Variants in SETBP1 observed in about 807,000 individuals in gnomAD.
The protein encoded by SETBP1 is SET-binding protein.
In SETBP1, 9 loss-of-function variants were observed where a neutral mutation model predicts 101.0. The observed-to-expected ratio is 0.09, with a 90% CI of 0.05 to 0.16. The LOEUF is 0.16. Ranked by LOEUF, SETBP1 falls within the 10% of genes least tolerant of loss-of-function variation. The probability of loss-of-function intolerance (pLI) is 1.00; values close to 1 mark genes in which losing one functional copy is unlikely to be tolerated. For missense variants in SETBP1, 1,858 were observed against 2,033.8 expected (o/e 0.91, Z 1.66); for synonymous variants, 818 against 788.5 (o/e 1.04, Z -0.63).
chr18:44,723,290 C>G (rs1182384282), intron 2 of SETBP1, among the ~76,000 whole-genome samples: 2 of 152,170 alleles, frequency 1.3e-5, no homozygotes, highest in Admixed American at 1.3e-4. Flanking sequence ...CAGAAGTCCT[C>G]TTTTTATACT....
At chr18:44,756,575 A>G (rs2070501577) in intron 2 of SETBP1, among the ~76,000 whole-genome samples, 2 of 152,098 alleles carry the variant, frequency 1.3e-5, no homozygotes. Context: ...TGCAATGACC[A>G]CCATGAGGAG....
At chr18:44,773,733 C>T (rs150215500) in intron 2 of SETBP1, among the ~76,000 whole-genome samples, 26 of 151,038 alleles carry the variant, frequency 1.7e-4, no homozygotes, top group African/African-American at 6.1e-4. Flanking sequence ...TCAGGCTAGC[C>T]GAAGAGAATG....
Position 44,952,431 on chromosome 18 carries a change from A to G in SETBP1, c.3091A>G (p.Lys1031Glu). Residue 1031 changes from lysine (K) to glutamate (E), a missense_variant, in exon 4 of 6, where the codon AAG becomes GAG. Lys to Glu is a moderately conservative substitution (Grantham distance 56). Transcript: ENST00000649279. The stretch of plus-strand genomic sequence containing the variant: ...TGCAAAAACCAATGACACCATGACA[A>G]AGGTGCCTTTTTTACAAGGGTTCAG... ...RPAKTNDTMT[K>E]VPFLQGFSYP... 1 of 1,614,114 alleles carries G rather than the reference A, an allele frequency of 6.2e-7. No homozygotes were observed. The highest frequency in any genetic ancestry group is 8.5e-7 in the Non-Finnish European group (1 of 1,180,024).
chr18:44,754,607 A>G (rs1387231910), intron 2 of SETBP1, among the ~76,000 whole-genome samples: 1 of 152,202 alleles, frequency 6.6e-6, no homozygotes, highest in African/African-American at 2.4e-5. Context: ...CTCTTAAAAT[A>G]AGTACCACAT....
intron 2 of SETBP1, among the ~76,000 whole-genome samples, chr18:44,773,736 A>AGAGAATGT (rs1376754960): frequency 6.6e-6 from 1 of 152,130 alleles, no homozygotes; most frequent in Non-Finnish European, 1.5e-5. Flanking sequence ...GGCTAGCCGA[A>AGAGAATGT]GAGAATGTGA....
chr18:44,952,446 C>A lies in SETBP1; in HGVS notation c.3106C>A (p.Gln1036Lys). Residue 1036 changes from glutamine (Q) to lysine (K), a missense_variant, in exon 4 of 6, where the codon CAA becomes AAA. Gln to Lys is a moderately conservative substitution (Grantham distance 53). Coordinates refer to ENST00000649279, the MANE Select transcript of SETBP1 (RefSeq NM_015559.3). ...NDTMTKVPFL[Q>K]GFSYPIPSGS... ...CACCATGACAAAGGTGCCTTTTTTA[C>A]AAGGGTTCAGCTACCCTATTCCCAG... 1 of 1,614,134 alleles carries A rather than the reference C, an allele frequency of 6.2e-7. No homozygotes were observed. Among genetic ancestry groups the A allele is most frequent in the Non-Finnish European group, 8.5e-7 (1 of 1,180,042 alleles).
At position 44,764,768 on chromosome 18, in the gene SETBP1, G is replaced by A. The variant is rs139636079; in HGVS notation, c.486+62936G>A. On this transcript the variant is annotated intron_variant, in intron 2 of 5. Transcript: ENST00000649279. ...ATTACAGGTGTGAGCCACCGCGCCC[G>A]GCCATCTCTGTTCTTAACCTGCCTT... is the stretch of plus-strand genomic sequence containing the variant. Among the ~76,000 whole-genome samples the A allele has an allele frequency of 5.3e-5, 8 of 152,222 alleles. No individual in the cohort carries two copies. In the East Asian group the frequency reaches 7.7e-4, roughly 15 times the overall value.
intron 2 of SETBP1, among the ~76,000 whole-genome samples, chr18:44,722,586 G>A (rs543273600): frequency 2.0e-5 from 3 of 152,314 alleles, no homozygotes; most frequent in Admixed American, 1.3e-4. Flanking sequence ...CAGTATTCGG[G>A]TGCTGCAGCT....
intron 2 of SETBP1, among the ~76,000 whole-genome samples, chr18:44,791,526 G>A (rs966041458): frequency 6.6e-6 from 1 of 152,138 alleles, no homozygotes; most frequent in Non-Finnish European, 1.5e-5. Flanking sequence ...CTCAGTGGTG[G>A]GGGACACATT....
intron 2 of SETBP1, among the ~76,000 whole-genome samples, chr18:44,814,696 C>T (rs559192295): frequency 1.3e-4 from 20 of 152,366 alleles, no homozygotes; most frequent in African/African-American, 4.3e-4. Context: ...GAGATAGATG[C>T]AGGCTGGCCG....
intron 4 of SETBP1, among the ~76,000 whole-genome samples, chr18:45,019,407 A>C (rs2145412793): frequency 6.6e-6 from 1 of 152,336 alleles, no homozygotes; most frequent in East Asian, 1.9e-4. Context: ...TATATTGTGG[A>C]ATGGCTAAAT....
Position 44,948,499 on chromosome 18 carries a change from T to TGATA in SETBP1, c.541-1354_541-1351dup, listed in dbSNP as rs11437850. Reference sequence around the variant, plus strand: ...ATAAAATGAGATATACAAAGATAGATGATAGATAGATAGATAGATAGATAG... The same window carrying TGATA: ...ATAAAATGAGATATACAAAGATAGATGATAGATAGATAGATAGATAGATAGATAG... On this transcript the variant is annotated intron_variant, in intron 3 of 5. Transcript: ENST00000649279. 4.7e-3 allele frequency among the ~76,000 whole-genome samples: 703 copies of TGATA among 149,850 alleles called. 3 individuals carry two copies. Among genetic ancestry groups the TGATA allele is most frequent in the East Asian group, 0.028 (141 of 5,064 alleles).
chr18:44,833,958 A>T (rs1209023793), intron 2 of SETBP1, among the ~76,000 whole-genome samples: 1 of 152,276 alleles, frequency 6.6e-6, no homozygotes, highest in African/African-American at 2.4e-5. Flanking sequence ...GTTCTGCATA[A>T]GAAATGATTG....
intron 3 of SETBP1, among the ~76,000 whole-genome samples, chr18:44,910,977 G>A (rs542163029): frequency 2.0e-5 from 3 of 152,260 alleles, no homozygotes; most frequent in Non-Finnish European, 2.9e-5. Flanking sequence ...TATCAATATA[G>A]GACTTTGATT....
intron 2 of SETBP1, among the ~76,000 whole-genome samples, chr18:44,844,504 G>A (rs1349860466): frequency 6.6e-6 from 1 of 152,182 alleles, no homozygotes; most frequent in East Asian, 1.9e-4. Flanking sequence ...TGTTGCAGGA[G>A]GTTAAAGCAG....
chr18:45,027,296 G>C (rs2073186632), intron 4 of SETBP1, among the ~76,000 whole-genome samples: 1 of 152,146 alleles, frequency 6.6e-6, no homozygotes, highest in African/African-American at 2.4e-5. Flanking sequence ...TCTGAATCTA[G>C]AAAGCTCAGA....
At chr18:44,959,243 G>A (rs1020057578) in intron 4 of SETBP1, among the ~76,000 whole-genome samples, 4 of 152,180 alleles carry the variant, frequency 2.6e-5, no homozygotes, top group African/African-American at 4.8e-5. Context: ...TTCTTGGCTG[G>A]AGAAATCAGG....
At position 45,065,257 on chromosome 18, in the gene SETBP1, T is replaced by G. The variant is rs1481875406; in HGVS notation, c.*1559T>G. ...CCGTAGATGTTTTCTAAAAGTCAGA[T>G]TGTGGAAATTTCAAATAAGTATTTT... On this transcript the variant is annotated 3_prime_UTR_variant, in exon 6 of 6. Coordinates refer to ENST00000649279, the MANE Select transcript of SETBP1 (RefSeq NM_015559.3). 3.3e-5 allele frequency: 5 copies of G among 152,242 alleles called. No homozygotes were observed. Among genetic ancestry groups the G allele is most frequent in the Admixed American group, 3.3e-4 (5 of 15,290 alleles). 9.4% of individuals were successfully genotyped at this position (152,242 alleles called of 1,614,324 possible). A position where few individuals can be genotyped will look rare whatever the true frequency, so the allele number is the denominator to read the frequency against.
chr18:44,971,969 G>C (rs1454845984), intron 4 of SETBP1, among the ~76,000 whole-genome samples: 2 of 152,260 alleles, frequency 1.3e-5, no homozygotes, highest in African/African-American at 4.8e-5. Context: ...TGTCCTGAAT[G>C]GTATTGCCTA....
Sources: allele counts gnomAD v4.1 joint callset (sites outside exome capture counted in the v4.1 genomes callset), GRCh38; gene constraint gnomAD v4.1.1; transcripts MANE v1.5; gene names NCBI Gene and HGNC (gene_info 2026-07-23, HGNC 2026-07-21).